Variants in VMP1 observed in about 807,000 individuals in gnomAD.
VMP1 encodes the protein vacuole membrane protein 1, also known as ectopic P-granules autophagy protein 3 homolog.
VMP1 carries 11 observed loss-of-function variants against 56.0 expected under a neutral mutation model. The ratio of observed to expected loss-of-function variants is 0.20; its 90% CI spans 0.12 to 0.32. VMP1 has a LOEUF of 0.32. Ranked by LOEUF, VMP1 falls within the 10% of genes least tolerant of loss-of-function variation. The pLI, the probability that VMP1 is intolerant of heterozygous loss-of-function variation, is 1.00. For missense variants in VMP1, 296 were observed against 490.3 expected (o/e 0.60, Z 3.74); for synonymous variants, 149 against 165.0 (o/e 0.90, Z 0.74).
At chr17:59,801,118 GT>G (rs2037643149) in intron 7 of VMP1, among the ~76,000 whole-genome samples, 2 of 122,242 alleles carry the variant, frequency 1.6e-5, no homozygotes, top group African/African-American at 5.2e-5. Flanking sequence ...ATATATGTGT[GT>G]GTGTGTGTGT....
At chr17:59,783,786 A>G (rs1424651852) in intron 7 of VMP1, among the ~76,000 whole-genome samples, 7 of 151,966 alleles carry the variant, frequency 4.6e-5, no homozygotes, top group Admixed American at 3.9e-4. Flanking sequence ...GCCTTTATCA[A>G]CCCTTACCTA....
intron 1 of VMP1, among the ~76,000 whole-genome samples, chr17:59,716,911 C>T (rs1351716912): frequency 1.3e-5 from 2 of 152,200 alleles, no homozygotes; most frequent in Non-Finnish European, 2.9e-5. Context: ...AGCCAAATCT[C>T]CCAACTCTAG....
chr17:59,825,151 A>T (rs1482513561), intron 10 of VMP1, among the ~76,000 whole-genome samples: 1 of 136,336 alleles, frequency 7.3e-6, no homozygotes, highest in African/African-American at 2.8e-5. Flanking sequence ...CTGTGGTGCA[A>T]TCTCGACCCA....
rs568456173 is a variant in VMP1 at position 59,819,933 on chromosome 17, C to T, written c.974+2160C>T. 4.6e-5 allele frequency among the ~76,000 whole-genome samples: 7 copies of T among 152,284 alleles called. No homozygotes were observed. In the South Asian group the frequency reaches 1.5e-3, roughly 32 times the overall value. On this transcript the variant is annotated intron_variant, in intron 10 of 11. Coordinates refer to ENST00000262291, the MANE Select transcript of VMP1 (RefSeq NM_030938.5). ...TCCTCACCATGAGTACCTTCTGTTT[C>T]CCCAGCCTTTGGAGTTTCTAGGAAG...
intron 6 of VMP1, among the ~76,000 whole-genome samples, chr17:59,765,748 C>A (rs1332703229): frequency 6.6e-6 from 1 of 151,808 alleles, no homozygotes; most frequent in Non-Finnish European, 1.5e-5. Context: ...GTGGCACAGG[C>A]AAAGGAGGTG....
At chr17:59,758,865 T>G (rs1444542212) in intron 5 of VMP1, among the ~76,000 whole-genome samples, 1 of 151,648 alleles carries the variant, frequency 6.6e-6, no homozygotes, top group Non-Finnish European at 1.5e-5. Flanking sequence ...GAGACTGAGG[T>G]GGGTAGATCA....
At chr17:59,803,302 C>A (rs1426705140) in intron 7 of VMP1, among the ~76,000 whole-genome samples, 1 of 152,100 alleles carries the variant, frequency 6.6e-6, no homozygotes. Flanking sequence ...CTTTGTCTTT[C>A]TGTATTTAAT....
At chr17:59,831,918 G>T (rs1322258421) in intron 10 of VMP1, among the ~76,000 whole-genome samples, 1 of 151,922 alleles carries the variant, frequency 6.6e-6, no homozygotes, top group African/African-American at 2.4e-5. Context: ...ACCCAGGCTG[G>T]AATGCAGTGG....
At chr17:59,774,796 A>G (rs2036558470) in intron 7 of VMP1, among the ~76,000 whole-genome samples, 1 of 152,214 alleles carries the variant, frequency 6.6e-6, no homozygotes, top group East Asian at 1.9e-4. Flanking sequence ...AGCTTACTGC[A>G]GCTTCAAACT....
intron 7 of VMP1, among the ~76,000 whole-genome samples, chr17:59,799,347 T>C (rs889402388): frequency 6.6e-6 from 1 of 152,184 alleles, no homozygotes. Flanking sequence ...GAAATACCAG[T>C]GACCATCTCT....
In VMP1 at chr17:59,841,179, G is replaced by T; in HGVS notation, c.*1268G>T. 2.5e-6 allele frequency: 1 copy of T among 402,468 alleles called. No homozygotes were observed. The highest frequency in any genetic ancestry group is 2.0e-5 in the South Asian group (1 of 50,376). The allele number at this position is 402,468 out of a possible 1,614,324, so 24.9% of individuals were successfully genotyped here. On this transcript the variant is annotated 3_prime_UTR_variant, in exon 12 of 12. Coordinates refer to ENST00000262291, the MANE Select transcript of VMP1 (RefSeq NM_030938.5). Reference sequence around the variant, plus strand: ...AGAAATGCCTGGGTTTTTTTGGTTTGTTTTTGTTTTTGTTTTTTTATCAAA... The same window carrying T: ...AGAAATGCCTGGGTTTTTTTGGTTTTTTTTTGTTTTTGTTTTTTTATCAAA...
chr17:59,830,788 ACT>A (rs1260134188), intron 10 of VMP1, among the ~76,000 whole-genome samples: 1 of 152,162 alleles, frequency 6.6e-6, no homozygotes, highest in African/African-American at 2.4e-5. Flanking sequence ...TTAAGTATAC[ACT>A]CTGTAAATAG....
At chr17:59,799,066 T>C (rs1486943549) in intron 7 of VMP1, among the ~76,000 whole-genome samples, 8 of 152,196 alleles carry the variant, frequency 5.3e-5, no homozygotes, top group Non-Finnish European at 1.2e-4. Context: ...TTAATAAATT[T>C]AGCTAGTTGC....
chr17:59,735,000 C>T (rs938508275), intron 2 of VMP1, among the ~76,000 whole-genome samples: 14 of 149,354 alleles, frequency 9.4e-5, no homozygotes, highest in African/African-American at 3.5e-4. Flanking sequence ...CAACCTCTGC[C>T]TCCCAGGTTC....
At chr17:59,715,976 A>AT (rs2034136277) in intron 1 of VMP1, among the ~76,000 whole-genome samples, 2 of 151,834 alleles carry the variant, frequency 1.3e-5, no homozygotes. Context: ...TACCTAGAAA[A>AT]TTTTTTATTT....
At chr17:59,755,486 G>C (rs1211766268) in intron 5 of VMP1, among the ~76,000 whole-genome samples, 1 of 152,106 alleles carries the variant, frequency 6.6e-6, no homozygotes, top group Admixed American at 6.5e-5. Flanking sequence ...CTTGGAGCAT[G>C]AACTAATACT....
Position 59,801,112 on chromosome 17 carries a change from ATGTGTGTGTG to A in VMP1, c.715-7656_715-7647del, listed in dbSNP as rs71145573. 2.5e-3 allele frequency among the ~76,000 whole-genome samples: 279 copies of A among 110,330 alleles called. 11 individuals are homozygous for A. The highest frequency in any genetic ancestry group is 0.011 in the African/African-American group (257 of 22,740). The allele number at this position is 110,330 out of a possible 152,430, so 72.4% of individuals were successfully genotyped here. A position where few individuals can be genotyped will look rare whatever the true frequency, so the allele number is the denominator to read the frequency against. On this transcript the variant is annotated intron_variant, in intron 7 of 11. Coordinates refer to ENST00000262291, the MANE Select transcript of VMP1 (RefSeq NM_030938.5). ...AAAAAATATATATATATATATATAT[ATGTGTGTGTG>A]TGTGTGTGTGTGTGTGTGTGTGTGT...
chr17:59,717,987 G>A (rs996350446), intron 1 of VMP1, among the ~76,000 whole-genome samples: 1 of 151,896 alleles, frequency 6.6e-6, no homozygotes, highest in Non-Finnish European at 1.5e-5. Flanking sequence ...AGAAACCTGT[G>A]ATGAGTTGAG....
In VMP1 at chr17:59,840,612, G is replaced by A. The variant is rs1424122163; in HGVS notation, c.*701G>A. On this transcript the variant is annotated 3_prime_UTR_variant, in exon 12 of 12. Transcript: ENST00000262291. ...TCCAAAATTGTGTCCGTTTTCTTGA[G>A]CGTTTTGATTTTTTACTTTTAGCTT... The A allele has an allele frequency of 1.3e-5, 2 of 152,530 alleles. No homozygotes were observed. Among genetic ancestry groups the A allele is most frequent in the Non-Finnish European group, 2.9e-5 (2 of 68,028 alleles). The allele number at this position is 152,530 out of a possible 1,614,324, so 9.4% of individuals were successfully genotyped here. A position where few individuals can be genotyped will look rare whatever the true frequency, so the allele number is the denominator to read the frequency against.
Sources: allele counts gnomAD v4.1 joint callset (sites outside exome capture counted in the v4.1 genomes callset), GRCh38; gene constraint gnomAD v4.1.1; transcripts MANE v1.5; gene names NCBI Gene and HGNC (gene_info 2026-07-23, HGNC 2026-07-21).